STXBP4: variants seen among roughly 807,000 people sequenced by gnomAD.
STXBP4 encodes the protein syntaxin binding protein 4.
Under a neutral mutation model 76.1 loss-of-function variants are expected in STXBP4, and 55 were observed. The observed-to-expected ratio is 0.72, with a 90% CI of 0.58 to 0.91. The LOEUF (loss-of-function observed/expected upper bound fraction) is 0.91. STXBP4 is among the 40% of genes least tolerant of loss of function. The pLI, the probability that STXBP4 is intolerant of heterozygous loss-of-function variation, is 0.00. For missense variants in STXBP4, 618 were observed against 636.9 expected (o/e 0.97, Z 0.32); for synonymous variants, 201 against 220.2 (o/e 0.91, Z 0.77).
chr17:55,100,637 T>A (rs977375109), intron 16 of STXBP4, among the ~76,000 whole-genome samples: 5 of 152,106 alleles, frequency 3.3e-5, no homozygotes, highest in South Asian at 2.1e-4. Flanking sequence ...GAAGACTTGG[T>A]TTTTAAAGGT....
intron 1 of STXBP4, among the ~76,000 whole-genome samples, chr17:54,971,050 TAACA>T (rs2077392651): frequency 6.6e-6 from 1 of 152,212 alleles, no homozygotes; most frequent in African/African-American, 2.4e-5. Flanking sequence ...AATGTCCAAT[TAACA>T]AACATATTAA....
the STXBP4 span, among the ~76,000 whole-genome samples, chr17:55,195,056 C>A: frequency 2.0e-5 from 3 of 152,170 alleles, no homozygotes; most frequent in East Asian, 3.9e-4. Context: ...TTGGTTGAAA[C>A]AAACAGTCCT....
At chr17:55,183,814 GGTTTA>G in the STXBP4 span, among the ~76,000 whole-genome samples, 1 of 152,040 alleles carries the variant, frequency 6.6e-6, no homozygotes, top group South Asian at 2.1e-4. Context: ...AATAAAAAAT[GGTTTA>G]ATTTGCCAGG....
Position 55,171,554 on chromosome 17 carries a change from A to G in STXBP4, c.*11643A>G, listed in dbSNP as rs1246460718. ...ATACCTCCCCATTGAAGCCTAGGCC[A>G]GATTCCAGTCCGTTTTGACCATACC... On this transcript the variant is annotated 3_prime_UTR_variant, in exon 18 of 18. Coordinates refer to ENST00000376352, the MANE Select transcript of STXBP4 (RefSeq NM_178509.6). 6.6e-6 allele frequency: 1 copy of G among 152,220 alleles called. No homozygotes were observed. Among genetic ancestry groups the G allele is most frequent in the African/African-American group, 2.4e-5 (1 of 41,444 alleles). The allele number at this position is 152,220 out of a possible 1,614,324, so 9.4% of individuals were successfully genotyped here. A position where few individuals can be genotyped will look rare whatever the true frequency, so the allele number is the denominator to read the frequency against.
intron 12 of STXBP4, among the ~76,000 whole-genome samples, chr17:55,050,709 C>G (rs1318375770): frequency 6.6e-6 from 1 of 152,148 alleles, no homozygotes; most frequent in African/African-American, 2.4e-5. Context: ...CTTGTTCCAT[C>G]CAGGCTGTAG....
chr17:55,170,468 CTATT>C lies in STXBP4; in HGVS notation c.*10559_*10562del, dbSNP rs1457033770. The C allele has an allele frequency of 6.6e-6, 1 of 151,996 alleles. No individual in the cohort carries two copies. Among genetic ancestry groups the C allele is most frequent in the Non-Finnish European group, 1.5e-5 (1 of 67,976 alleles). 9.4% of individuals were successfully genotyped at this position (151,996 alleles called of 1,614,324 possible). A position where few individuals can be genotyped will look rare whatever the true frequency, so the allele number is the denominator to read the frequency against. ...AATTAGATGACATTATTTGTGATAT[CTATT>C]TTATTTATTATATTTTTCTGCATAC... On this transcript the variant is annotated 3_prime_UTR_variant, in exon 18 of 18. Transcript: ENST00000376352.
At position 55,170,643 on chromosome 17, in the gene STXBP4, G is replaced by T. The variant is rs894898617; in HGVS notation, c.*10732G>T. On this transcript the variant is annotated 3_prime_UTR_variant, in exon 18 of 18. Coordinates refer to ENST00000376352, the MANE Select transcript of STXBP4 (RefSeq NM_178509.6). ...GCTTTAGAATTCTATGTATAATCCT[G>T]TGAAAATTTGTAGTGTTGTAGGGAC... 1.3e-5 allele frequency: 2 copies of T among 152,042 alleles called. No individual in the cohort carries two copies. The highest frequency in any genetic ancestry group is 2.4e-5 in the African/African-American group (1 of 41,370). 9.4% of individuals were successfully genotyped at this position (152,042 alleles called of 1,614,324 possible).
Position 55,000,826 on chromosome 17 carries a change from A to C in STXBP4, c.517A>C (p.Lys173Gln), listed in dbSNP as rs2077900028. The stretch of plus-strand genomic sequence containing the variant: ...TTCACAGATAAAAACTGGATACAAC[A>C]AAACAGTACAGATTCCAATTACTTC... ...SSCEIKTGYN[K>Q]TVQIPITSEN... Residue 173 changes from lysine (K) to glutamine (Q), a missense_variant, in exon 7 of 18, where the codon AAA becomes CAA. Coordinates refer to ENST00000376352, the MANE Select transcript of STXBP4 (RefSeq NM_178509.6). The C allele has an allele frequency of 5.0e-6, 8 of 1,610,802 alleles. No homozygotes were observed. The highest frequency in any genetic ancestry group is 6.8e-6 in the Non-Finnish European group (8 of 1,177,498).
intron 8 of STXBP4, among the ~76,000 whole-genome samples, chr17:55,022,015 A>G (rs2078321686): frequency 6.6e-6 from 1 of 152,218 alleles, no homozygotes; most frequent in South Asian, 2.1e-4. Context: ...AATTCATGGC[A>G]ATCAATAGGA....
chr17:55,113,726 G>A (rs2079750071), intron 16 of STXBP4, among the ~76,000 whole-genome samples: 1 of 152,130 alleles, frequency 6.6e-6, no homozygotes, highest in Non-Finnish European at 1.5e-5. Context: ...CCACCATGGA[G>A]AGGCAATCGT....
At chr17:55,078,467 C>T (rs111435159) in intron 14 of STXBP4, among the ~76,000 whole-genome samples, 1 of 152,122 alleles carries the variant, frequency 6.6e-6, no homozygotes, top group Non-Finnish European at 1.5e-5. Flanking sequence ...AATGCATAAA[C>T]ATTATTTGAT....
intron 10 of STXBP4, among the ~76,000 whole-genome samples, chr17:55,036,915 ATAAT>A (rs2144710209): frequency 1.3e-5 from 2 of 152,238 alleles, no homozygotes; most frequent in South Asian, 2.1e-4. Flanking sequence ...ATATAAATAT[ATAAT>A]TAATTTATTG....
At chr17:55,121,847 C>T (rs796239546) in intron 16 of STXBP4, among the ~76,000 whole-genome samples, 12 of 152,058 alleles carry the variant, frequency 7.9e-5, no homozygotes, top group African/African-American at 2.7e-4. Flanking sequence ...CTTGTTCTTT[C>T]CTGCCTTCAA....
At chr17:55,061,750 T>G (rs1166868721) in intron 12 of STXBP4, among the ~76,000 whole-genome samples, 2 of 152,234 alleles carry the variant, frequency 1.3e-5, no homozygotes, top group East Asian at 3.8e-4. Context: ...TCTTTTGGGA[T>G]TGGTTCTTTT....
intron 3 of STXBP4, among the ~76,000 whole-genome samples, chr17:54,986,757 T>C (rs1213612129): frequency 2.0e-5 from 3 of 152,218 alleles, no homozygotes; most frequent in Non-Finnish European, 4.4e-5. Flanking sequence ...TTTGATAATA[T>C]ATAGATTAAC....
chr17:55,185,295 T>TCC, the STXBP4 span, among the ~76,000 whole-genome samples: 15 of 120,308 alleles, frequency 1.2e-4, no homozygotes, highest in African/African-American at 4.8e-4. Flanking sequence ...CTCCTTCTCC[T>TCC]TCTCCTTCTC....
intron 16 of STXBP4, among the ~76,000 whole-genome samples, chr17:55,093,807 A>G (rs1211496821): frequency 6.6e-6 from 1 of 152,206 alleles, no homozygotes; most frequent in African/African-American, 2.4e-5. Flanking sequence ...TCCTTCCAGA[A>G]CTATTTGTTG....
chr17:55,185,281 CCTT>C, the STXBP4 span, among the ~76,000 whole-genome samples: 20 of 85,350 alleles, frequency 2.3e-4, 1 homozygote, highest in Middle Eastern at 0.011. Context: ...TTCTCCTTCT[CCTT>C]CTCCTTCTCC....
At chr17:55,202,806 T>C in the STXBP4 span, among the ~76,000 whole-genome samples, 1 of 152,200 alleles carries the variant, frequency 6.6e-6, no homozygotes. Flanking sequence ...TAATCATTTC[T>C]TGTTCTTCCC....
Sources: allele counts gnomAD v4.1 joint callset (sites outside exome capture counted in the v4.1 genomes callset), GRCh38; gene constraint gnomAD v4.1.1; transcripts MANE v1.5; gene names NCBI Gene and HGNC (gene_info 2026-07-23, HGNC 2026-07-21).